SLCO1A2: variants seen among roughly 807,000 people sequenced by gnomAD.
SLCO1A2 encodes the protein OATP-1.
A neutral mutation model predicts 69.0 loss-of-function variants in SLCO1A2; 67 were observed. The ratio of observed to expected loss-of-function variants is 0.97; its 90% CI spans 0.80 to 1.19. The LOEUF is 1.19. Among genes scored for constraint, SLCO1A2 ranks in the 50% most tolerant of loss-of-function variants. SLCO1A2 has a pLI of 0.00. For synonymous variants in SLCO1A2, 260 were observed against 265.9 expected (o/e 0.98, Z 0.22); for missense variants, 787 against 793.7 (o/e 0.99, Z 0.10).
intron 2 of SLCO1A2, among the ~76,000 whole-genome samples, chr12:21,343,198 T>C (rs1953132301): frequency 6.6e-6 from 1 of 152,130 alleles, no homozygotes; most frequent in African/African-American, 2.4e-5. Flanking sequence ...TAGGTTCATA[T>C]TTTCTTGGGC....
At chr12:21,331,633 A>G (rs1207451988) in intron 2 of SLCO1A2, among the ~76,000 whole-genome samples, 2 of 148,404 alleles carry the variant, frequency 1.3e-5, no homozygotes, top group African/African-American at 5.0e-5. Flanking sequence ...AAAAAAAAAA[A>G]CCCAACTCAG....
chr12:21,319,529 T>C, intron 2 of SLCO1A2: 1 of 1,268,568 alleles, frequency 7.9e-7, no homozygotes, highest in Non-Finnish European at 1.1e-6. Context: ...GCAATCCCAG[T>C]TGTGTCTAAG....
intron 1 of SLCO1A2, among the ~76,000 whole-genome samples, chr12:21,413,133 C>T (rs932284298): frequency 4.0e-5 from 6 of 150,634 alleles, no homozygotes; most frequent in African/African-American, 1.5e-4. Context: ...TGCACATATT[C>T]CTTTCTTCCT....
At chr12:21,378,189 G>C in intron 1 of SLCO1A2, 1 of 1,547,412 alleles carries the variant, frequency 6.5e-7, no homozygotes, top group South Asian at 1.1e-5. Context: ...GCTGGATCCA[G>C]CTAAAATTCT....
chr12:21,400,439 CT>C (rs1199102661), intron 1 of SLCO1A2, among the ~76,000 whole-genome samples: 2 of 151,260 alleles, frequency 1.3e-5, no homozygotes. Context: ...GGACTGTAAA[CT>C]AGTTCAACCA....
chr12:21,366,814 T>G (rs1370285720), intron 2 of SLCO1A2, among the ~76,000 whole-genome samples: 2 of 151,824 alleles, frequency 1.3e-5, no homozygotes, highest in African/African-American at 4.8e-5. Context: ...GTTGGTAGAT[T>G]AGGAAACTTC....
Position 21,286,871 on chromosome 12 carries a change from A to G in SLCO1A2, c.1610+5293T>C, listed in dbSNP as rs868494738. Among the ~76,000 whole-genome samples, 855 of 151,536 alleles carry G rather than the reference A, an allele frequency of 5.6e-3. 14 individuals are homozygous for G. The highest frequency in any genetic ancestry group is 0.02 in the African/African-American group (819 of 41,122). ...TACAAAAATCAATTCAAGATGGATTAAAGATTTAAACATTAGACTTAAAAC... is the reference window on the plus strand; with the variant it reads ...TACAAAAATCAATTCAAGATGGATTGAAGATTTAAACATTAGACTTAAAAC... On this transcript the variant is annotated intron_variant, in intron 12 of 14. Coordinates refer to ENST00000683939, the MANE Select transcript of SLCO1A2 (RefSeq NM_001386879.1).
chr12:21,283,501 T>G (rs949598356), intron 12 of SLCO1A2, among the ~76,000 whole-genome samples: 1 of 152,028 alleles, frequency 6.6e-6, no homozygotes. Flanking sequence ...TCCAGGACAT[T>G]GGACTGAACA....
At chr12:21,328,166 C>A (rs1159046645) in intron 2 of SLCO1A2, among the ~76,000 whole-genome samples, 3 of 152,134 alleles carry the variant, frequency 2.0e-5, no homozygotes, top group African/African-American at 7.2e-5. Flanking sequence ...TGAGGCCTCC[C>A]CAACCATGTG....
intron 1 of SLCO1A2, among the ~76,000 whole-genome samples, chr12:21,401,636 A>T (rs7962926): frequency 0.62 from 94,528 of 151,542 alleles, 29,676 homozygotes; most frequent in Middle Eastern, 0.74. Context: ...TAATCATTTT[A>T]TATTTTGTTT....
At position 21,384,769 on chromosome 12, in the gene SLCO1A2, C is replaced by CTT. The variant is rs762328144; in HGVS notation, c.-190+10135_-190+10136dup. ...AAATATGTCCACTTAGTTTTTTTTT[C>CTT]TTTTTTTTTTTTTTGAGTCGGAGTC... On this transcript the variant is annotated intron_variant, in intron 1 of 15. Coordinates refer to the SLCO1A2 transcript ENST00000307378. Among the ~76,000 whole-genome samples the CTT allele has an allele frequency of 1.5e-3, 196 of 131,028 alleles. 1 individual carries two copies. The highest frequency in any genetic ancestry group is 4.5e-3 in the African/African-American group (168 of 37,238). The allele number at this position is 131,028 out of a possible 152,430, so 86.0% of individuals were successfully genotyped here. A position where few individuals can be genotyped will look rare whatever the true frequency, so the allele number is the denominator to read the frequency against.
exon 1 of SLCO1A2, chr12:21,395,347 T>TC (rs1228046268): frequency 6.5e-6 from 1 of 152,718 alleles, no homozygotes; most frequent in Non-Finnish European, 1.5e-5. Context: ...CAAGATTATA[T>TC]CCCGCACCTG....
At chr12:21,301,900 C>A (rs1948756031) in intron 6 of SLCO1A2, among the ~76,000 whole-genome samples, 2 of 152,128 alleles carry the variant, frequency 1.3e-5, no homozygotes, top group Non-Finnish European at 2.9e-5. Flanking sequence ...AGAACCTATG[C>A]TGAACCCTCC....
At chr12:21,382,804 A>C (rs923929466) in intron 1 of SLCO1A2, among the ~76,000 whole-genome samples, 4 of 151,804 alleles carry the variant, frequency 2.6e-5, no homozygotes, top group Admixed American at 2.6e-4. Flanking sequence ...AAAAAAAAAA[A>C]AAAAAGAAAG....
intron 12 of SLCO1A2, among the ~76,000 whole-genome samples, chr12:21,279,712 T>C (rs1944466137): frequency 6.6e-6 from 1 of 152,112 alleles, no homozygotes; most frequent in Non-Finnish European, 1.5e-5. Context: ...AGTACTTCAA[T>C]CAGAAAGGAA....
intron 4 of SLCO1A2, among the ~76,000 whole-genome samples, chr12:21,312,151 C>T (rs1413533246): frequency 6.6e-6 from 1 of 152,160 alleles, no homozygotes; most frequent in Non-Finnish European, 1.5e-5. Flanking sequence ...AGTGTAGCCA[C>T]CTTCATCAAT....
chr12:21,266,150 CA>C lies in SLCO1A2; in HGVS notation c.*3397del, dbSNP rs1197519825. The C allele has an allele frequency of 6.6e-6, 1 of 152,162 alleles. No individual in the cohort carries two copies. The highest frequency in any genetic ancestry group is 1.5e-5 in the Non-Finnish European group (1 of 68,030). 9.4% of individuals were successfully genotyped at this position (152,162 alleles called of 1,614,324 possible). ...ATGAATCAGCCAGTATCTGATCTAA[CA>C]GCTCTGGTTACATAACATTCTGGTT... On this transcript the variant is annotated 3_prime_UTR_variant, in exon 15 of 15. Transcript: ENST00000683939.
intron 7 of SLCO1A2, 59 bp downstream of exon 7, chr12:21,301,112 A>G (rs2136444292): frequency 9.5e-7 from 1 of 1,048,790 alleles, no homozygotes; most frequent in South Asian, 1.7e-5. Context: ...ATATATGATA[A>G]CATACCTGAG....
chr12:21,380,532 C>T (rs1173359012), intron 1 of SLCO1A2, among the ~76,000 whole-genome samples: 1 of 152,168 alleles, frequency 6.6e-6, no homozygotes, highest in Non-Finnish European at 1.5e-5. Flanking sequence ...ACAAATTCAG[C>T]ATTATTTCCT....
Sources: gnomAD v4.1 joint callset for allele counts (sites outside exome capture counted in the v4.1 genomes callset) on GRCh38, gnomAD v4.1.1 for gene constraint, MANE v1.5 for transcripts, NCBI Gene and HGNC (gene_info 2026-07-23, HGNC 2026-07-21) for gene names.